DIP2C: variants seen among roughly 807,000 people sequenced by gnomAD.
The protein encoded by DIP2C is disco-interacting protein 2 homolog C.
In DIP2C, 33 loss-of-function variants were observed where a neutral mutation model predicts 192.4. That is an observed-to-expected ratio of 0.17 (90% CI 0.13 to 0.23). The LOEUF (loss-of-function observed/expected upper bound fraction) is 0.23. Among genes scored for constraint, DIP2C ranks in the 10% least tolerant of loss-of-function variants. The pLI is 1.00. For synonymous variants in DIP2C, 979 were observed against 864.1 expected (o/e 1.13, Z -2.33); for missense variants, 1,537 against 2,110.1 (o/e 0.73, Z 5.32).
intron 13 of DIP2C, among the ~76,000 whole-genome samples, chr10:388,165 C>T (rs1589678756): frequency 6.6e-6 from 1 of 152,176 alleles, no homozygotes; most frequent in East Asian, 1.9e-4. Context: ...TTGCAGCTGG[C>T]ATGCCCTCTG....
Position 362,683 on chromosome 10 carries a change from G to T in DIP2C, c.2601C>A (p.Asp867Glu). Residue 867 changes from aspartate to glutamate, a missense_variant, in exon 22 of 37, where the codon GAC (aspartate) becomes GAA (glutamate). By Grantham distance (45) the Asp-to-Glu change is conservative (BLOSUM62 2). Coordinates refer to ENST00000280886, the MANE Select transcript of DIP2C (RefSeq NM_014974.3). ...AATAAACTCCAACTTGATGTATACT[G>T]TCAATCGCCTAGAAAGTTAATAAAG... The part of the protein sequence containing the change: ...QWMSRVLQAI[D>E]SIHQVGVYCL... 6.2e-7 allele frequency: 1 copy of T among 1,607,310 alleles called. No homozygotes were observed. The highest frequency in any genetic ancestry group is 8.5e-7 in the Non-Finnish European group (1 of 1,176,212).
At chr10:549,126 C>A (rs1008193873) in intron 1 of DIP2C, among the ~76,000 whole-genome samples, 2 of 152,124 alleles carry the variant, frequency 1.3e-5, no homozygotes, top group Non-Finnish European at 2.9e-5. Flanking sequence ...GGAATCCCTA[C>A]AAATAGTAGC....
chr10:365,977 C>T (rs182790191), intron 19 of DIP2C, among the ~76,000 whole-genome samples: 46 of 152,332 alleles, frequency 3.0e-4, no homozygotes, highest in Middle Eastern at 6.8e-3. Flanking sequence ...CCTTCACGCA[C>T]ACAAGTGCAC....
chr10:315,311 C>G (rs1956730708), intron 31 of DIP2C, among the ~76,000 whole-genome samples: 2 of 152,178 alleles, frequency 1.3e-5, no homozygotes. Flanking sequence ...TGTATTTACT[C>G]TTTTCAGTAT....
At chr10:348,485 C>T (rs1221482465) in intron 26 of DIP2C, among the ~76,000 whole-genome samples, 156 bp downstream of exon 26, 1 of 152,140 alleles carries the variant, frequency 6.6e-6, no homozygotes, top group African/African-American at 2.4e-5. Context: ...ACTCTAGGCT[C>T]CCTGCAGGTA....
intron 1 of DIP2C, among the ~76,000 whole-genome samples, chr10:561,332 C>T (rs1336958334): frequency 6.6e-6 from 1 of 152,176 alleles, no homozygotes; most frequent in Non-Finnish European, 1.5e-5. Flanking sequence ...GCAGCAATTG[C>T]CCACTGTACG....
At chr10:495,850 T>C (rs141298671) in intron 1 of DIP2C, among the ~76,000 whole-genome samples, 125 of 151,266 alleles carry the variant, frequency 8.3e-4, no homozygotes, top group Middle Eastern at 3.6e-3. Flanking sequence ...GAGTGCTGAG[T>C]ACACAGAACC....
chr10:370,067 C>A (rs1357039311), intron 17 of DIP2C: 1 of 984,368 alleles, frequency 1.0e-6, no homozygotes, highest in Non-Finnish European at 1.2e-6. Flanking sequence ...GACAAAACCA[C>A]TGAACAGCAA....
At chr10:534,070 C>A (rs182553064) in intron 1 of DIP2C, among the ~76,000 whole-genome samples, 6 of 152,156 alleles carry the variant, frequency 3.9e-5, no homozygotes, top group East Asian at 1.9e-4. Context: ...TCTGCAGTGA[C>A]GATGGTCAAC....
intron 36 of DIP2C, among the ~76,000 whole-genome samples, chr10:279,183 G>A (rs189259750): frequency 2.7e-3 from 415 of 152,318 alleles, no homozygotes; most frequent in Middle Eastern, 0.024. Context: ...GTTTCCCAGA[G>A]GACGTGCTGG....
chr10:569,597 TC>T (rs1301131738), intron 1 of DIP2C, among the ~76,000 whole-genome samples: 15 of 150,340 alleles, frequency 1.0e-4, no homozygotes, highest in African/African-American at 3.5e-4. Flanking sequence ...TGTTTTATAT[TC>T]TTTTTTAAAA....
chr10:522,320 C>G (rs1005509789), intron 1 of DIP2C, among the ~76,000 whole-genome samples: 1 of 152,228 alleles, frequency 6.6e-6, no homozygotes, highest in African/African-American at 2.4e-5. Context: ...TTTATCCATT[C>G]ACCTACTGAA....
chr10:658,860 G>A (rs1226851751), intron 1 of DIP2C, among the ~76,000 whole-genome samples: 1 of 152,162 alleles, frequency 6.6e-6, no homozygotes, highest in Non-Finnish European at 1.5e-5. Flanking sequence ...CTCTCCCTGA[G>A]AGGACAGCGG....
chr10:364,754 G>T (rs951927900), intron 19 of DIP2C, among the ~76,000 whole-genome samples, 172 bp from the exon 20 acceptor site: 1 of 152,182 alleles, frequency 6.6e-6, no homozygotes, highest in Non-Finnish European at 1.5e-5. Flanking sequence ...AGTCTTCGAG[G>T]CAGAAAAGCA....
chr10:453,342 C>A (rs534781543), intron 3 of DIP2C, among the ~76,000 whole-genome samples: 1 of 152,324 alleles, frequency 6.6e-6, no homozygotes, highest in Non-Finnish European at 1.5e-5. Flanking sequence ...AGGTACCAGG[C>A]AGGATTGCAG....
chr10:528,179 A>AG (rs1335361833), intron 1 of DIP2C, among the ~76,000 whole-genome samples: 1 of 152,150 alleles, frequency 6.6e-6, no homozygotes, highest in African/African-American at 2.4e-5. Flanking sequence ...ACAATACTGC[A>AG]GAGTCCCTGG....
At chr10:347,426 CCGGAAACG>C (rs1958540041) in intron 26 of DIP2C, among the ~76,000 whole-genome samples, 1 of 149,008 alleles carries the variant, frequency 6.7e-6, no homozygotes, top group Non-Finnish European at 1.5e-5. Context: ...CATAGTTCTC[CCGGAAACG>C]TCACACGCAC....
intron 10 of DIP2C, among the ~76,000 whole-genome samples, chr10:397,651 G>A (rs1367646335): frequency 6.6e-6 from 1 of 152,200 alleles, no homozygotes; most frequent in African/African-American, 2.4e-5. Flanking sequence ...CTACACGACT[G>A]GCCGCCTACA....
At chr10:617,473 G>A (rs959092931) in intron 1 of DIP2C, among the ~76,000 whole-genome samples, 3 of 152,124 alleles carry the variant, frequency 2.0e-5, no homozygotes, top group Non-Finnish European at 4.4e-5. Context: ...GACCCTAGCC[G>A]TGTTGCCCTT....
Sources: gnomAD v4.1 joint callset for allele counts (sites outside exome capture counted in the v4.1 genomes callset) on GRCh38, gnomAD v4.1.1 for gene constraint, MANE v1.5 for transcripts, NCBI Gene and HGNC (gene_info 2026-07-23, HGNC 2026-07-21) for gene names.